The following ATG10 variants were observed in gnomAD, a reference collection of about 807,000 sequenced individuals.
ATG10 encodes ubiquitin-like-conjugating enzyme ATG10.
ATG10 carries 30 observed loss-of-function variants against 32.1 expected under a neutral mutation model. That is an observed-to-expected ratio of 0.94 (90% CI 0.70 to 1.27). The LOEUF (loss-of-function observed/expected upper bound fraction) is 1.27, where lower values mean the gene tolerates loss of function less well. Ranked by LOEUF, ATG10 falls within the 50% of genes most tolerant of loss-of-function variation. ATG10 has a pLI of 0.00. For synonymous variants in ATG10, 87 were observed against 91.5 expected (o/e 0.95, Z 0.28); for missense variants, 233 against 262.3 (o/e 0.89, Z 0.77).
intron 4 of ATG10, among the ~76,000 whole-genome samples, chr5:82,171,612 A>G (rs1743811351): frequency 6.6e-6 from 1 of 152,126 alleles, no homozygotes; most frequent in Non-Finnish European, 1.5e-5. Context: ...CTTATTTTGG[A>G]ATTTATCTCC....
intron 1 of ATG10, among the ~76,000 whole-genome samples, chr5:81,985,877 C>T (rs1009797476): frequency 6.6e-6 from 1 of 152,218 alleles, no homozygotes. Flanking sequence ...ATTCTCCTGC[C>T]TCAGCCTCTC....
chr5:82,156,139 C>T (rs937368180), intron 3 of ATG10, among the ~76,000 whole-genome samples: 5 of 151,756 alleles, frequency 3.3e-5, no homozygotes, highest in South Asian at 4.2e-4. Context: ...AGGCTCCCTC[C>T]GAGAGGAGAC....
At chr5:82,056,078 G>A (rs567172751) in intron 2 of ATG10, among the ~76,000 whole-genome samples, 96 of 152,218 alleles carry the variant, frequency 6.3e-4, no homozygotes, top group African/African-American at 2.0e-3. Context: ...TATTCCTGCC[G>A]TTAAGTGATG....
intron 2 of ATG10, among the ~76,000 whole-genome samples, chr5:82,050,503 CTG>C (rs768848233): frequency 6.6e-6 from 1 of 151,924 alleles, no homozygotes; most frequent in Non-Finnish European, 1.5e-5. Flanking sequence ...ATTTAGTCCT[CTG>C]TGCTTTGTTT....
chr5:82,040,744 G>T (rs1763060060), intron 2 of ATG10, among the ~76,000 whole-genome samples: 1 of 152,130 alleles, frequency 6.6e-6, no homozygotes, highest in East Asian at 1.9e-4. Context: ...AGCAATAAGT[G>T]TTTTATGACC....
At chr5:82,248,313 C>T (rs1747113346) in intron 5 of ATG10, among the ~76,000 whole-genome samples, 1 of 152,176 alleles carries the variant, frequency 6.6e-6, no homozygotes, top group Admixed American at 6.5e-5. Flanking sequence ...ACCTATTTTG[C>T]TATTTTTATT....
intron 3 of ATG10, among the ~76,000 whole-genome samples, chr5:82,139,136 A>G (rs1408986438): frequency 1.4e-5 from 2 of 142,380 alleles, no homozygotes; most frequent in Non-Finnish European, 3.1e-5. Context: ...AGTCTCGTTC[A>G]CTCAGTGCTC....
intron 2 of ATG10, chr5:82,009,599 T>C (rs1287086043): frequency 4.4e-6 from 7 of 1,584,502 alleles, no homozygotes; most frequent in Admixed American, 3.3e-5. Flanking sequence ...GTCAAACTTA[T>C]TCGAGTTGTC....
intron 2 of ATG10, among the ~76,000 whole-genome samples, chr5:82,021,351 T>C (rs1024321536): frequency 3.9e-5 from 6 of 152,128 alleles, no homozygotes; most frequent in Non-Finnish European, 8.8e-5. Flanking sequence ...CCTGGGGGGA[T>C]TGGATCCAGG....
chr5:82,254,876 A>AAGAG lies in ATG10; in HGVS notation c.*824_*827dup, dbSNP rs71863188. On this transcript the variant is annotated 3_prime_UTR_variant, in exon 8 of 8. Coordinates refer to ENST00000282185, the MANE Select transcript of ATG10 (RefSeq NM_031482.5). ...ATAGATTATTTCTGTTTTACTCCAA[A>AAGAG]AGAGAGAGAGAGAGTGAGTGTGAGT... The AAGAG allele has an allele frequency of 7.0e-6, 1 of 142,360 alleles. No individual in the cohort carries two copies. Among genetic ancestry groups the AAGAG allele is most frequent in the Admixed American group, 7.2e-5 (1 of 13,810 alleles). The allele number at this position is 142,360 out of a possible 1,614,324, so 8.8% of individuals were successfully genotyped here.
intron 3 of ATG10, among the ~76,000 whole-genome samples, chr5:82,140,641 A>G (rs1767076830): frequency 2.1e-5 from 1 of 48,566 alleles, no homozygotes; most frequent in Non-Finnish European, 4.4e-5. Context: ...CCCGTCCGGG[A>G]GGTGAGGGGC....
intron 3 of ATG10, among the ~76,000 whole-genome samples, chr5:82,087,376 G>T (rs1156515810): frequency 6.6e-6 from 1 of 151,914 alleles, no homozygotes; most frequent in Non-Finnish European, 1.5e-5. Flanking sequence ...TTATTAATTG[G>T]GCTTAGGGGA....
intron 3 of ATG10, among the ~76,000 whole-genome samples, chr5:82,091,208 C>T (rs1764870640): frequency 6.6e-6 from 1 of 152,096 alleles, no homozygotes; most frequent in Non-Finnish European, 1.5e-5. Flanking sequence ...GGAGTCAGCT[C>T]TGTTCTGCTA....
At chr5:82,242,397 C>T (rs1197502307) in intron 5 of ATG10, among the ~76,000 whole-genome samples, 2 of 151,990 alleles carry the variant, frequency 1.3e-5, no homozygotes, top group Non-Finnish European at 1.5e-5. Flanking sequence ...GGAGGACTAA[C>T]ATGTCTAATA....
intron 3 of ATG10, among the ~76,000 whole-genome samples, chr5:82,122,735 G>A (rs1432001682): frequency 6.6e-6 from 1 of 152,172 alleles, no homozygotes; most frequent in Non-Finnish European, 1.5e-5. Context: ...AGACATACAT[G>A]TGGCCAACAT....
chr5:81,998,370 C>T (rs1287134899), intron 2 of ATG10, among the ~76,000 whole-genome samples: 1 of 152,128 alleles, frequency 6.6e-6, no homozygotes, highest in Non-Finnish European at 1.5e-5. Flanking sequence ...ACCTGCATTA[C>T]AAGAGGTGCT....
intron 3 of ATG10, among the ~76,000 whole-genome samples, chr5:82,119,300 A>C (rs574966223): frequency 2.6e-5 from 4 of 152,114 alleles, no homozygotes; most frequent in African/African-American, 4.8e-5. Flanking sequence ...TTTGCTTTTC[A>C]ATCTTGATAA....
At chr5:82,246,636 T>C (rs1383782693) in intron 5 of ATG10, among the ~76,000 whole-genome samples, 1 of 152,166 alleles carries the variant, frequency 6.6e-6, no homozygotes, top group African/African-American at 2.4e-5. Flanking sequence ...GTCATGTATG[T>C]TACATTTATG....
chr5:82,042,708 C>A (rs1182247948), intron 2 of ATG10, among the ~76,000 whole-genome samples: 2 of 152,164 alleles, frequency 1.3e-5, no homozygotes, highest in African/African-American at 4.8e-5. Flanking sequence ...GGGCTACAGT[C>A]CCCATGCAAG....
Sources: gnomAD v4.1 joint callset for allele counts (sites outside exome capture counted in the v4.1 genomes callset) on GRCh38, gnomAD v4.1.1 for gene constraint, MANE v1.5 for transcripts, NCBI Gene and HGNC (gene_info 2026-07-23, HGNC 2026-07-21) for gene names.